The following CNTN4 variants were observed in gnomAD, a reference collection of about 807,000 sequenced individuals.
The protein encoded by CNTN4 is contactin-4.
In CNTN4, 77 loss-of-function variants were observed where a neutral mutation model predicts 122.5. That is an observed-to-expected ratio of 0.63 (90% CI 0.52 to 0.76). CNTN4 has a LOEUF of 0.76. CNTN4 is among the 30% of genes least tolerant of loss of function. The pLI is 0.00. For missense variants in CNTN4, 1,256 were observed against 1,259.1 expected (o/e 1.00, Z 0.04); for synonymous variants, 512 against 447.0 (o/e 1.15, Z -1.83).
chr3:2,273,137 A>G (rs1282003153), intron 2 of CNTN4, among the ~76,000 whole-genome samples: 1 of 152,224 alleles, frequency 6.6e-6, no homozygotes, highest in Non-Finnish European at 1.5e-5. Context: ...GATGCCATCC[A>G]AAAGGTTTTA....
chr3:2,658,187 G>A (rs955338946), intron 4 of CNTN4, among the ~76,000 whole-genome samples: 3 of 151,642 alleles, frequency 2.0e-5, no homozygotes, highest in African/African-American at 4.9e-5. Context: ...CTTTTGCAGC[G>A]GGGAGGAGCC....
At chr3:2,433,662 C>A (rs948406021) in intron 3 of CNTN4, among the ~76,000 whole-genome samples, 1 of 152,068 alleles carries the variant, frequency 6.6e-6, no homozygotes, top group Non-Finnish European at 1.5e-5. Flanking sequence ...TTGTTGCCTG[C>A]GCTTTTGGGG....
intron 3 of CNTN4, among the ~76,000 whole-genome samples, chr3:2,423,829 G>C (rs2047704033): frequency 6.6e-6 from 1 of 151,222 alleles, no homozygotes; most frequent in African/African-American, 2.4e-5. Flanking sequence ...GAATTAATTG[G>C]TGCCGAACAT....
At chr3:2,808,038 A>G (rs913513421) in intron 6 of CNTN4, among the ~76,000 whole-genome samples, 1 of 152,216 alleles carries the variant, frequency 6.6e-6, no homozygotes, top group African/African-American at 2.4e-5. Context: ...AGTGCTAGGC[A>G]AATTTGGTAG....
At position 3,034,663 on chromosome 3, in the gene CNTN4, A is replaced by T. The variant is rs149614455; in HGVS notation, c.1815A>T (p.Ile605=). ...GPPGPPEAVT[I]DEITDTTAQL... is the part of the protein sequence containing the mutation. ...CAGGTCCCCCAGAGGCTGTGACAAT[A>T]GACGAAATCACAGATACCACTGCTC... is the stretch of plus-strand genomic sequence containing the variant. The change falls in exon 17 of 25, where the codon ATA becomes ATT. Residue 605 remains isoleucine (I), a synonymous_variant. Coordinates refer to ENST00000418658, the MANE Select transcript of CNTN4 (RefSeq NM_175607.3). 38 of 1,614,148 alleles carry T rather than the reference A, an allele frequency of 2.4e-5. 1 individual carries two copies. The African/African-American group carries it at 4.9e-4, about 21-fold the overall frequency.
At chr3:2,181,299 A>G (rs757928713) in intron 2 of CNTN4, among the ~76,000 whole-genome samples, 10 of 152,090 alleles carry the variant, frequency 6.6e-5, no homozygotes, top group South Asian at 2.1e-4. Context: ...TTTAAAGACT[A>G]TTAGCCAAAC....
intron 14 of CNTN4, among the ~76,000 whole-genome samples, chr3:2,991,231 G>A (rs895486760): frequency 6.6e-5 from 10 of 152,148 alleles, no homozygotes; most frequent in African/African-American, 2.4e-5. Context: ...GAGAGAACGA[G>A]GAGGGACTGA....
At chr3:2,369,861 C>T (rs972920089) in intron 3 of CNTN4, among the ~76,000 whole-genome samples, 4 of 152,092 alleles carry the variant, frequency 2.6e-5, no homozygotes, top group African/African-American at 9.7e-5. Flanking sequence ...TAGAGTAGTG[C>T]TTTAATTATT....
At chr3:2,824,860 A>G (rs867544508) in intron 7 of CNTN4, among the ~76,000 whole-genome samples, 2 of 152,000 alleles carry the variant, frequency 1.3e-5, no homozygotes, top group Non-Finnish European at 2.9e-5. Flanking sequence ...ATGAGGTTTC[A>G]CCATGTTGGC....
At chr3:2,664,211 G>C (rs948480373) in intron 4 of CNTN4, among the ~76,000 whole-genome samples, 1 of 152,122 alleles carries the variant, frequency 6.6e-6, no homozygotes, top group Admixed American at 6.6e-5. Flanking sequence ...ACCAAAAAAG[G>C]AAAGTAGAAC....
At chr3:2,290,655 C>A (rs1012747608) in intron 2 of CNTN4, among the ~76,000 whole-genome samples, 5 of 152,114 alleles carry the variant, frequency 3.3e-5, no homozygotes, top group Non-Finnish European at 7.3e-5. Flanking sequence ...GTAAGCCAGG[C>A]TACACAGGGT....
In CNTN4 at chr3:3,027,351, C is replaced by T. The variant is rs1208149883; in HGVS notation, c.1662+1074C>T. Among the ~76,000 whole-genome samples, 11 of 152,286 alleles carry T rather than the reference C, an allele frequency of 7.2e-5. No individual in the cohort carries two copies. In the East Asian group the frequency reaches 1.4e-3, roughly 19 times the overall value. The stretch of plus-strand genomic sequence containing the variant: ...CGTTACATCAGTGGATGCCTGGGTT[C>T]ACTAGGGATTATCTCTTGGGACCCT... On this transcript the variant is annotated intron_variant, in intron 15 of 24. Coordinates refer to ENST00000418658, the MANE Select transcript of CNTN4 (RefSeq NM_175607.3).
At chr3:2,487,118 C>T (rs1338408765) in intron 3 of CNTN4, among the ~76,000 whole-genome samples, 2 of 152,116 alleles carry the variant, frequency 1.3e-5, no homozygotes, top group Admixed American at 6.5e-5. Flanking sequence ...TTTGTAAGAA[C>T]ACTGCTAAAC....
At chr3:2,248,256 G>A (rs530682254) in intron 2 of CNTN4, among the ~76,000 whole-genome samples, 1 of 152,026 alleles carries the variant, frequency 6.6e-6, no homozygotes, top group African/African-American at 2.4e-5. Flanking sequence ...AATGTTTGGT[G>A]CCAGAATCAA....
chr3:2,292,386 A>G (rs1189608391), intron 2 of CNTN4, among the ~76,000 whole-genome samples: 1 of 152,226 alleles, frequency 6.6e-6, no homozygotes, highest in Non-Finnish European at 1.5e-5. Flanking sequence ...GTTAACTTGA[A>G]TAAGTTGAAT....
chr3:2,495,262 C>T (rs2076423936), intron 3 of CNTN4, among the ~76,000 whole-genome samples: 1 of 152,198 alleles, frequency 6.6e-6, no homozygotes, highest in Non-Finnish European at 1.5e-5. Flanking sequence ...AATAATATTT[C>T]CCTTTTCTAA....
At chr3:2,607,499 A>G (rs1342427771) in intron 4 of CNTN4, among the ~76,000 whole-genome samples, 3 of 152,166 alleles carry the variant, frequency 2.0e-5, no homozygotes, top group Non-Finnish European at 4.4e-5. Flanking sequence ...AATAACTGCA[A>G]AAATGTAAAG....
chr3:2,311,474 C>T (rs1005608855), intron 2 of CNTN4, among the ~76,000 whole-genome samples: 2 of 152,086 alleles, frequency 1.3e-5, no homozygotes, highest in Non-Finnish European at 2.9e-5. Flanking sequence ...TTTCTTTCTA[C>T]TGAAGCTTTT....
intron 2 of CNTN4, among the ~76,000 whole-genome samples, chr3:2,268,019 T>A (rs1244429085): frequency 2.6e-5 from 4 of 152,114 alleles, no homozygotes; most frequent in African/African-American, 9.7e-5. Context: ...TAGGAATTGA[T>A]CATGGAATGG....
Sources: allele counts gnomAD v4.1 joint callset (sites outside exome capture counted in the v4.1 genomes callset), GRCh38; gene constraint gnomAD v4.1.1; transcripts MANE v1.5; gene names NCBI Gene and HGNC (gene_info 2026-07-23, HGNC 2026-07-21).